RBMS1: variants seen among roughly 807,000 people sequenced by gnomAD.
The protein encoded by RBMS1 is RNA-binding motif, single-stranded-interacting protein 1.
A neutral mutation model predicts 62.3 loss-of-function variants in RBMS1; 17 were observed. That is an observed-to-expected ratio of 0.27 (90% confidence interval 0.19 to 0.41). The LOEUF is 0.41. Ranked by LOEUF, RBMS1 falls within the 10% of genes least tolerant of loss-of-function variation. The pLI, the probability that RBMS1 is intolerant of heterozygous loss-of-function variation, is 1.00. For synonymous variants in RBMS1, 172 were observed against 170.0 expected (o/e 1.01, Z -0.09); for missense variants, 334 against 504.5 (o/e 0.66, Z 3.24).
At chr2:160,459,075 C>T (rs1684363096) in intron 1 of RBMS1, among the ~76,000 whole-genome samples, 1 of 152,200 alleles carries the variant, frequency 6.6e-6, no homozygotes, top group Non-Finnish European at 1.5e-5. Flanking sequence ...ATCATACAGT[C>T]TAATCATTTT....
At chr2:160,476,519 G>T (rs1174331391) in intron 1 of RBMS1, among the ~76,000 whole-genome samples, 3 of 146,250 alleles carry the variant, frequency 2.1e-5, no homozygotes, top group African/African-American at 7.5e-5. Context: ...GCAAAACATT[G>T]TAATAGGCAC....
At position 160,274,120 on chromosome 2, in the gene RBMS1, GAACT is replaced by G. The variant is rs2105925604; in HGVS notation, c.*648_*651del. The G allele has an allele frequency of 6.5e-6, 1 of 152,716 alleles. No homozygotes were observed. The highest frequency in any genetic ancestry group is 1.9e-4 in the East Asian group (1 of 5,186). The allele number at this position is 152,716 out of a possible 1,614,324, so 9.5% of individuals were successfully genotyped here. On this transcript the variant is annotated 3_prime_UTR_variant, in exon 14 of 14. Transcript: ENST00000348849. ...TCAAAGCATTCTACATCATTAGTTT[GAACT>G]AACTTTTACTGAAACAGCTACAGCA... is the stretch of plus-strand genomic sequence containing the variant.
chr2:160,450,580 C>A (rs12692601), intron 1 of RBMS1, among the ~76,000 whole-genome samples: 57,507 of 117,824 alleles, frequency 0.49, 14,697 homozygotes, highest in East Asian at 0.61. Flanking sequence ...AAAAAAAAAA[C>A]AAAAAACATT....
Position 160,441,696 on chromosome 2 carries a change from C to A in RBMS1, c.75+51593G>T, listed in dbSNP as rs943449696. On this transcript the variant is annotated intron_variant, in intron 1 of 13. Transcript: ENST00000348849. ...CTATGCTCACACCACTGCACTCCAGCCTAGGCAACAGAGTGAGACGAAAAC... is the reference window on the plus strand; with the variant it reads ...CTATGCTCACACCACTGCACTCCAGACTAGGCAACAGAGTGAGACGAAAAC... Among the ~76,000 whole-genome samples the A allele has an allele frequency of 5.3e-5, 8 of 152,332 alleles. No individual in the cohort carries two copies. In the East Asian group the frequency reaches 5.8e-4, roughly 11 times the overall value.
At chr2:160,433,105 G>T (rs539956197) in intron 1 of RBMS1, among the ~76,000 whole-genome samples, 4 of 135,646 alleles carry the variant, frequency 2.9e-5, no homozygotes, top group Non-Finnish European at 5.0e-5. Context: ...GTTTTGATAC[G>T]AATATTAAAA....
intron 1 of RBMS1, among the ~76,000 whole-genome samples, chr2:160,401,565 C>T (rs1024846470): frequency 2.0e-5 from 3 of 152,168 alleles, no homozygotes; most frequent in African/African-American, 4.8e-5. Flanking sequence ...CAAACACCCA[C>T]TAAACACCTA....
chr2:160,283,810 A>G (rs1455889249), intron 9 of RBMS1: 1 of 152,166 alleles, frequency 6.6e-6, no homozygotes, highest in Non-Finnish European at 1.5e-5. Flanking sequence ...GGTTTTCATA[A>G]TTCTCTCAAG....
chr2:160,426,289 GAAAA>G (rs749188390), intron 1 of RBMS1, among the ~76,000 whole-genome samples: 304 of 74,106 alleles, frequency 4.1e-3, no homozygotes, highest in South Asian at 8.3e-3. Context: ...AAGAAAGAAA[GAAAA>G]GAAAGAAGGA....
chr2:160,302,280 C>T (rs7573655), intron 5 of RBMS1, among the ~76,000 whole-genome samples: 83,106 of 151,448 alleles, frequency 0.55, 23,347 homozygotes, highest in Admixed American at 0.66. Context: ...CTGTATCCTC[C>T]AATTCCTGGG....
chr2:160,364,343 T>C lies in RBMS1; in HGVS notation c.251+2873A>G, dbSNP rs192163158. ...GGTTCCAAGATTCCTCGTACGTGTT[T>C]CACAATTTAGAAGTTAACTAGAGCT... On this transcript the variant is annotated intron_variant, in intron 2 of 13. Transcript: ENST00000348849. Among the ~76,000 whole-genome samples, 1,210 of 152,344 alleles carry C rather than the reference T, an allele frequency of 7.9e-3. 11 individuals carry two copies. Among genetic ancestry groups the C allele is most frequent in the African/African-American group, 0.026 (1,099 of 41,584 alleles).
chr2:160,481,239 G>T (rs1001831539), intron 1 of RBMS1, among the ~76,000 whole-genome samples: 1 of 151,700 alleles, frequency 6.6e-6, no homozygotes, highest in Non-Finnish European at 1.5e-5. Context: ...GGGGGTGGGC[G>T]AGGTGGAACA....
chr2:160,464,180 C>A (rs1684584985), intron 1 of RBMS1, among the ~76,000 whole-genome samples: 1 of 138,098 alleles, frequency 7.2e-6, no homozygotes, highest in South Asian at 2.3e-4. Context: ...ACCACACATG[C>A]ATACAGAGAT....
chr2:160,281,661 A>G (rs1688111602), intron 9 of RBMS1: 1 of 289,062 alleles, frequency 3.5e-6, no homozygotes, highest in Non-Finnish European at 6.5e-6. Context: ...GAAATTTACT[A>G]TCTATGCAAG....
intron 2 of RBMS1, among the ~76,000 whole-genome samples, chr2:160,327,165 T>C (rs78732247): frequency 6.6e-6 from 1 of 152,210 alleles, no homozygotes; most frequent in African/African-American, 2.4e-5. Flanking sequence ...ACATACCTGA[T>C]TTTTCATAAC....
chr2:160,390,178 G>A (rs1264579184), intron 1 of RBMS1, among the ~76,000 whole-genome samples: 1 of 152,168 alleles, frequency 6.6e-6, no homozygotes, highest in Non-Finnish European at 1.5e-5. Flanking sequence ...CACCCCAAGT[G>A]AGATGTGGTG....
At chr2:160,387,262 T>C (rs921549892) in intron 1 of RBMS1, among the ~76,000 whole-genome samples, 1 of 152,164 alleles carries the variant, frequency 6.6e-6, no homozygotes, top group Non-Finnish European at 1.5e-5. Flanking sequence ...GGGAAAAGAC[T>C]GAGGCAAGTG....
intron 1 of RBMS1, among the ~76,000 whole-genome samples, chr2:160,489,950 A>G (rs1204307631): frequency 3.9e-5 from 6 of 152,118 alleles, no homozygotes; most frequent in Admixed American, 3.3e-4. Context: ...TTCAATCCCC[A>G]TAACTATTTA....
At chr2:160,323,164 G>A (rs1690675734) in intron 2 of RBMS1, among the ~76,000 whole-genome samples, 1 of 131,932 alleles carries the variant, frequency 7.6e-6, no homozygotes, top group South Asian at 2.6e-4. Flanking sequence ...CCTATCTGTA[G>A]CTTAATTTTT....
chr2:160,448,296 C>A (rs1683754039), intron 1 of RBMS1, among the ~76,000 whole-genome samples: 3 of 151,266 alleles, frequency 2.0e-5, no homozygotes, highest in Admixed American at 6.6e-5. Context: ...TCCCCCTCCC[C>A]CTCCCCCTCT....
Sources: allele counts gnomAD v4.1 joint callset (sites outside exome capture counted in the v4.1 genomes callset), GRCh38; gene constraint gnomAD v4.1.1; transcripts MANE v1.5; gene names NCBI Gene and HGNC (gene_info 2026-07-23, HGNC 2026-07-21).